The following IGF2R variants were observed in gnomAD, a reference collection of about 807,000 sequenced individuals.
The protein encoded by IGF2R is cation-independent mannose-6-phosphate receptor.
A neutral mutation model predicts 270.6 loss-of-function variants in IGF2R; 91 were observed. The ratio of observed to expected loss-of-function variants is 0.34; its 90% CI spans 0.28 to 0.40. The LOEUF is 0.40. IGF2R is among the 10% of genes least tolerant of loss of function. The probability of loss-of-function intolerance (pLI) is 1.00; values close to 1 mark genes in which losing one functional copy is unlikely to be tolerated. For synonymous variants in IGF2R, 1,316 were observed against 1,258.9 expected, an observed-to-expected ratio of 1.05 and a Z score of -0.96; for missense variants, 2,805 against 3,188.3, an observed-to-expected ratio of 0.88 and a Z score of 2.90.
chr6:160,077,075 G>A (rs894492451), intron 36 of IGF2R, among the ~76,000 whole-genome samples: 2 of 152,164 alleles, frequency 1.3e-5, no homozygotes, highest in African/African-American at 4.8e-5. Context: ...GAGAGAGACA[G>A]TATTTGAGAA....
intron 11 of IGF2R, among the ~76,000 whole-genome samples, chr6:160,042,767 G>A (rs897161263): frequency 6.6e-6 from 1 of 152,200 alleles, no homozygotes; most frequent in Non-Finnish European, 1.5e-5. Flanking sequence ...GTGTTAAGCG[G>A]GGTGTACTAG....
rs1277866982 is a variant in IGF2R, at chr6:160,105,814, T to C, written c.*730T>C. The stretch of plus-strand genomic sequence containing the variant: ...GGAATGGCTGCACCTTTTTGCATGA[T>C]ATCTTCAAGCCTGGGCGTACAGAGC... On this transcript the variant is annotated 3_prime_UTR_variant, in exon 48 of 48. Coordinates refer to ENST00000356956, the MANE Select transcript of IGF2R (RefSeq NM_000876.4). 6.6e-6 allele frequency: 1 copy of C among 152,656 alleles called. No individual in the cohort carries two copies. The highest frequency in any genetic ancestry group is 1.5e-5 in the Non-Finnish European group (1 of 68,068). 9.5% of individuals were successfully genotyped at this position (152,656 alleles called of 1,614,324 possible).
intron 1 of IGF2R, among the ~76,000 whole-genome samples, chr6:159,982,247 C>T (rs1196766396): frequency 6.6e-6 from 1 of 152,172 alleles, no homozygotes; most frequent in African/African-American, 2.4e-5. Flanking sequence ...TTCCCTTTCT[C>T]CTTAGTTAAG....
rs1311790864 is a variant in IGF2R, at chr6:160,105,050, A to G, written c.7442A>G (p.His2481Arg). 11 of 1,607,784 alleles carry G rather than the reference A, an allele frequency of 6.8e-6. No individual in the cohort carries two copies. The Admixed American group carries it at 1.2e-4, about 17-fold the overall frequency. The change falls in exon 48 of 48, where the codon CAT (histidine) becomes CGT (arginine). Residue 2481 changes from histidine to arginine, a missense_variant. His to Arg is a conservative substitution (Grantham distance 29, BLOSUM62 0). Around this residue, in one of 2 missense-constraint regions of IGF2R, gnomAD observed 1,851 missense variants for 2,207.2 expected, o/e 0.84. Transcript: ENST00000356956. The stretch of plus-strand genomic sequence containing the variant: ...AGCTCCACCAAGCTGGTGTCCTTCC[A>G]TGACGACAGCGACGAGGACCTCTTA... Reference protein sequence around the residue: ...TVSSTKLVSFHDDSDEDLLHI With the variant: ...TVSSTKLVSFRDDSDEDLLHI
intron 2 of IGF2R, among the ~76,000 whole-genome samples, chr6:160,001,312 T>A (rs1389754459): frequency 1.3e-5 from 2 of 151,936 alleles, no homozygotes; most frequent in Non-Finnish European, 2.9e-5. Flanking sequence ...TGACCCCTTA[T>A]GAGAATCTAG....
chr6:160,008,538 A>G (rs1784282954), intron 2 of IGF2R, among the ~76,000 whole-genome samples: 1 of 152,130 alleles, frequency 6.6e-6, no homozygotes, highest in Non-Finnish European at 1.5e-5. Flanking sequence ...TTTCTAGAGA[A>G]TGTTGATTTT....
At chr6:160,047,423 G>A in intron 16 of IGF2R, 87 bp downstream of exon 16, 1 of 1,181,402 alleles carries the variant, frequency 8.5e-7, no homozygotes, top group Non-Finnish European at 1.2e-6. Context: ...GTATCAGTCT[G>A]GGTTTCCAGC....
At chr6:160,043,627 T>G (rs1213070622) in intron 12 of IGF2R, among the ~76,000 whole-genome samples, 1 of 152,288 alleles carries the variant, frequency 6.6e-6, no homozygotes, top group African/African-American at 2.4e-5. Flanking sequence ...TTAACAACTT[T>G]ATTGCCTAGA....
chr6:160,101,103 A>G (rs1779476427), intron 45 of IGF2R, among the ~76,000 whole-genome samples: 1 of 150,792 alleles, frequency 6.6e-6, no homozygotes, highest in African/African-American at 2.4e-5. Context: ...AAGTCAGCAG[A>G]TTTCTGACTG....
intron 5 of IGF2R, among the ~76,000 whole-genome samples, 200 bp downstream of exon 5, chr6:160,024,904 C>T (rs531121378): frequency 1.3e-5 from 2 of 152,312 alleles, no homozygotes; most frequent in African/African-American, 4.8e-5. Context: ...TCCTCCCCAA[C>T]CCCTGTAGAT....
At chr6:160,016,400 C>T (rs1451093922) in intron 4 of IGF2R, among the ~76,000 whole-genome samples, 1 of 152,240 alleles carries the variant, frequency 6.6e-6, no homozygotes, top group Non-Finnish European at 1.5e-5. Flanking sequence ...CTTCCTCAAT[C>T]TGCCTTGCTG....
chr6:160,080,331 C>T (rs1490699296), intron 39 of IGF2R, 56 bp downstream of exon 39: 2 of 1,551,638 alleles, frequency 1.3e-6, no homozygotes, highest in Admixed American at 1.8e-5. Flanking sequence ...ACTGTCAAGG[C>T]TCGATTCACA....
rs981379593 is a variant in IGF2R, at chr6:160,090,061, C to T, written c.6613C>T (p.Arg2205Trp). ...QVKPNDQHFS[R>W]KVGTSDKTKY... ...GAAGCCCAACGATCAGCACTTCAGT[C>T]GGAAAGTTGGAACCTCTGACAAGAC... Residue 2205 changes from arginine to tryptophan, a missense_variant, in exon 44 of 48, where the codon CGG (arginine) becomes TGG (tryptophan). Transcript: ENST00000356956. The T allele has an allele frequency of 6.3e-7, 1 of 1,584,346 alleles. No individual in the cohort carries two copies. Among genetic ancestry groups the T allele is most frequent in the Non-Finnish European group, 8.6e-7 (1 of 1,165,026 alleles).
intron 19 of IGF2R, among the ~76,000 whole-genome samples, chr6:160,054,488 A>G (rs1388992202): frequency 6.6e-6 from 1 of 152,126 alleles, no homozygotes; most frequent in Admixed American, 6.5e-5. Context: ...CAGAACCACA[A>G]AAAGGGATGG....
At chr6:159,980,729 G>A (rs1289006306) in intron 1 of IGF2R, among the ~76,000 whole-genome samples, 2 of 151,998 alleles carry the variant, frequency 1.3e-5, no homozygotes, top group African/African-American at 4.8e-5. Flanking sequence ...CTCCAGGAAG[G>A]GCCCTGGGTC....
Position 160,069,956 on chromosome 6 carries a change from A to C in IGF2R, c.4341A>C (p.Arg1447Ser), listed in dbSNP as rs1778678415. Residue 1447 changes from arginine to serine, a missense_variant, in exon 31 of 48, where the codon AGA (arginine) becomes AGC (serine). By Grantham distance (110) the Arg-to-Ser change is moderately radical (BLOSUM62 -1). Transcript: ENST00000356956. The part of the protein sequence containing the change: ...LGRVRDGPQW[R>S]DGIIVLKYVD... ...GGGTAAGGGACGGACCTCAGTGGAG[A>C]GATGGCATAATTGTCCTGAAATACG... 6.2e-7 allele frequency: 1 copy of C among 1,613,964 alleles called. No homozygotes were observed. The highest frequency in any genetic ancestry group is 8.5e-7 in the Non-Finnish European group (1 of 1,180,026).
chr6:159,971,188 A>G (rs963274250), intron 1 of IGF2R, among the ~76,000 whole-genome samples: 4 of 152,210 alleles, frequency 2.6e-5, no homozygotes, highest in Non-Finnish European at 5.9e-5. Context: ...GTTAAGATTA[A>G]GGTGGCTTCA....
chr6:160,067,289 TCA>T (rs1475180035), intron 29 of IGF2R, among the ~76,000 whole-genome samples: 1 of 152,020 alleles, frequency 6.6e-6, no homozygotes, highest in African/African-American at 2.4e-5. Flanking sequence ...TCCATTTCTC[TCA>T]GAGTCTATTC....
Position 160,044,570 on chromosome 6 carries a change from G to A in IGF2R, c.1678G>A (p.Gly560Arg). ...KFISSPMKEKGNIQLSYSDGD... is the reference protein window; with the variant it reads ...KFISSPMKEKRNIQLSYSDGD... ...TATTTCCTCTCCCATGAAAGAGAAA[G>A]GAAACATTCAACTCTCTTATTCAGA... Residue 560 changes from glycine (G) to arginine (R), a missense_variant, in exon 13 of 48, where the codon GGA (glycine) becomes AGA (arginine). Gly to Arg is a moderately radical substitution (Grantham distance 125). This residue lies in a region of IGF2R where 954 missense variants were observed against 981.1 expected (regional missense o/e 0.97). Coordinates refer to ENST00000356956, the MANE Select transcript of IGF2R (RefSeq NM_000876.4). 2 of 1,607,824 alleles carry A rather than the reference G, an allele frequency of 1.2e-6. No homozygotes were observed. The highest frequency in any genetic ancestry group is 1.3e-5 in the African/African-American group (1 of 74,858).
Sources: gnomAD v4.1 joint callset for allele counts (sites outside exome capture counted in the v4.1 genomes callset) on GRCh38, gnomAD v4.1.1 for gene constraint, gnomAD v4.1.1 regional missense constraint, MANE v1.5 for transcripts, NCBI Gene and HGNC (gene_info 2026-07-23, HGNC 2026-07-21) for gene names.